Variants in LIN9 observed in about 807,000 individuals in gnomAD.
LIN9 encodes protein lin-9 homolog.
LIN9 carries 18 observed loss-of-function variants against 78.0 expected under a neutral mutation model. The ratio of observed to expected loss-of-function variants is 0.23; its 90% CI spans 0.16 to 0.34. The LOEUF is 0.34. Ranked by LOEUF, LIN9 falls within the 10% of genes least tolerant of loss-of-function variation. LIN9 has a pLI of 1.00. For synonymous variants in LIN9, 192 were observed against 215.2 expected, an observed-to-expected ratio of 0.89 and a Z score of 0.94; for missense variants, 451 against 644.1, an observed-to-expected ratio of 0.70 and a Z score of 3.25.
intron 10 of LIN9, among the ~76,000 whole-genome samples, chr1:226,252,929 G>A (rs2102872363): frequency 6.6e-6 from 1 of 152,066 alleles, no homozygotes; most frequent in South Asian, 2.1e-4. Context: ...TGGCGCCACT[G>A]AACTCCAGCC....
chr1:226,244,274 T>C (rs1358489746), intron 11 of LIN9, among the ~76,000 whole-genome samples: 1 of 151,396 alleles, frequency 6.6e-6, no homozygotes, highest in African/African-American at 2.4e-5. Flanking sequence ...CTACCAAAAA[T>C]ATAAAAAATT....
chr1:226,252,309 T>A (rs976767594), intron 10 of LIN9, among the ~76,000 whole-genome samples: 1 of 149,910 alleles, frequency 6.7e-6, no homozygotes, highest in African/African-American at 2.5e-5. Context: ...AATAAATAAA[T>A]AAATAAATAA....
chr1:226,235,850 G>C (rs1238639022), intron 12 of LIN9, among the ~76,000 whole-genome samples: 1 of 152,256 alleles, frequency 6.6e-6, no homozygotes, highest in African/African-American at 2.4e-5. Context: ...TCCCAAATTA[G>C]TTTCTAATGT....
chr1:226,254,063 T>C (rs1044963141), intron 10 of LIN9, among the ~76,000 whole-genome samples: 17 of 152,150 alleles, frequency 1.1e-4, no homozygotes, highest in Non-Finnish European at 2.9e-5. Flanking sequence ...TCCTGAGTAG[T>C]AGGGACTACA....
At chr1:226,295,784 T>A (rs1284900367) in intron 4 of LIN9, 58 bp downstream of exon 4, 1 of 1,006,924 alleles carries the variant, frequency 9.9e-7, no homozygotes, top group African/African-American at 1.6e-5. Context: ...TAAACTTTAT[T>A]AGGCTGAGCA....
intron 2 of LIN9, among the ~76,000 whole-genome samples, chr1:226,299,375 A>T (rs1278888097): frequency 6.6e-6 from 1 of 151,864 alleles, no homozygotes; most frequent in Non-Finnish European, 1.5e-5. Context: ...GTGGTGATGC[A>T]TGCCTGCAGT....
Position 226,307,149 on chromosome 1 carries a change from A to G in LIN9, c.31+1960T>C, listed in dbSNP as rs567080388. Among the ~76,000 whole-genome samples, 9 of 152,370 alleles carry G rather than the reference A, an allele frequency of 5.9e-5. No individual in the cohort carries two copies. In the South Asian group the frequency reaches 1.9e-3, roughly 32 times the overall value. Reference sequence around the variant, plus strand: ...GCAAATATTCCTAATGGCAGTTGTAAGAAAGCCACTTAAAATGCCTCTCAT... The same window carrying G: ...GCAAATATTCCTAATGGCAGTTGTAGGAAAGCCACTTAAAATGCCTCTCAT... On this transcript the variant is annotated intron_variant, in intron 1 of 14. Transcript: ENST00000681046.
In LIN9 at chr1:226,256,176, A is replaced by G. The variant is rs575258013; in HGVS notation, c.1039-5257T>C. 1.5e-4 allele frequency among the ~76,000 whole-genome samples: 23 copies of G among 152,210 alleles called. No homozygotes were observed. The South Asian group carries it at 4.8e-3, about 32-fold the overall frequency. ...GGCGGGCAGACTGCTTGAGCCTAGC[A>G]GCTCGAGACCAGCCTGGACAACATG... On this transcript the variant is annotated intron_variant, in intron 10 of 14. Coordinates refer to ENST00000681046, the MANE Select transcript of LIN9 (RefSeq NM_001366245.2).
At chr1:226,236,612 C>G (rs994126504) in intron 12 of LIN9, among the ~76,000 whole-genome samples, 16 of 152,126 alleles carry the variant, frequency 1.1e-4, no homozygotes, top group African/African-American at 1.7e-4. Context: ...CCCGCCACCA[C>G]GCCCAGCTAA....
At chr1:226,258,972 A>AT (rs377676108) in intron 10 of LIN9, among the ~76,000 whole-genome samples, 43,858 of 122,094 alleles carry the variant, frequency 0.36, 8,838 homozygotes, top group East Asian at 0.45. Flanking sequence ...AGACATAATA[A>AT]TTTTTTTTTT....
upstream of LIN9, chr1:226,309,310 G>C (rs1576373123): frequency 9.7e-7 from 1 of 1,027,088 alleles, no homozygotes; most frequent in Non-Finnish European, 1.2e-6. Context: ...GCGCCTGCCC[G>C]GGGAGGAGGT....
At chr1:226,252,049 G>C (rs1353011968) in intron 10 of LIN9, among the ~76,000 whole-genome samples, 1 of 152,096 alleles carries the variant, frequency 6.6e-6, no homozygotes, top group Admixed American at 6.6e-5. Context: ...AAGCCCAAGA[G>C]TTTGTGACCA....
At chr1:226,302,156 G>C (rs1662578972) in intron 1 of LIN9, among the ~76,000 whole-genome samples, 1 of 152,146 alleles carries the variant, frequency 6.6e-6, no homozygotes, top group Non-Finnish European at 1.5e-5. Context: ...TAAACAACAG[G>C]GGATTCTGTT....
intron 3 of LIN9, 29 bp downstream of exon 3, chr1:226,297,690 C>A: frequency 7.0e-7 from 1 of 1,434,770 alleles, no homozygotes. Context: ...TAGAATTATT[C>A]TAAAATGTAA....
intron 2 of LIN9, among the ~76,000 whole-genome samples, chr1:226,298,042 C>T (rs1430154012): frequency 6.6e-6 from 1 of 152,154 alleles, no homozygotes; most frequent in East Asian, 1.9e-4. Context: ...ATTAAATGTC[C>T]ATACTGAAAC....
At chr1:226,233,593 C>A in intron 12 of LIN9, 70 bp from the exon 13 acceptor site, 4 of 1,176,664 alleles carry the variant, frequency 3.4e-6, no homozygotes, top group Middle Eastern at 4.3e-4. Flanking sequence ...TGTGTTTGTG[C>A]CCTCTTTTCA....
At chr1:226,242,450 A>C (rs1283542144) in intron 11 of LIN9, among the ~76,000 whole-genome samples, 2 of 152,242 alleles carry the variant, frequency 1.3e-5, no homozygotes, top group African/African-American at 4.8e-5. Flanking sequence ...GGATGTACTG[A>C]AGGTCTAAAT....
chr1:226,242,035 T>G (rs1658148248), intron 11 of LIN9, among the ~76,000 whole-genome samples: 1 of 152,192 alleles, frequency 6.6e-6, no homozygotes, highest in African/African-American at 2.4e-5. Flanking sequence ...TTTGAGTATC[T>G]CCCAATGATG....
At chr1:226,257,427 A>G (rs1424656796) in intron 10 of LIN9, among the ~76,000 whole-genome samples, 1 of 152,268 alleles carries the variant, frequency 6.6e-6, no homozygotes, top group Non-Finnish European at 1.5e-5. Context: ...TAACAGCAAC[A>G]GCATATTTGA....
Sources: gnomAD v4.1 joint callset for allele counts (sites outside exome capture counted in the v4.1 genomes callset) on GRCh38, gnomAD v4.1.1 for gene constraint, MANE v1.5 for transcripts, NCBI Gene and HGNC (gene_info 2026-07-23, HGNC 2026-07-21) for gene names.